The following DCAF17 variants were observed in gnomAD, a reference collection of about 807,000 sequenced individuals.
DCAF17 encodes the protein DDB1- and CUL4-associated factor 17.
Under a neutral mutation model 66.0 loss-of-function variants are expected in DCAF17, and 48 were observed. The observed-to-expected ratio is 0.73, with a 90% CI of 0.58 to 0.92. The LOEUF is 0.92. Among genes scored for constraint, DCAF17 ranks in the 40% least tolerant of loss-of-function variants. The pLI, the probability that DCAF17 is intolerant of heterozygous loss-of-function variation, is 0.00. For missense variants in DCAF17, 562 were observed against 622.8 expected, an observed-to-expected ratio of 0.90 and a Z score of 1.04; for synonymous variants, 206 against 214.6, an observed-to-expected ratio of 0.96 and a Z score of 0.35.
At chr2:171,474,111 T>C in intron 10 of DCAF17, 136 bp downstream of exon 10, 1 of 720,516 alleles carries the variant, frequency 1.4e-6, no homozygotes, top group Non-Finnish European at 2.5e-6. Context: ...CCTCAGAGAC[T>C]GGCATACAGA....
chr2:171,473,515 G>A (rs1359710640), intron 9 of DCAF17, among the ~76,000 whole-genome samples: 1 of 152,074 alleles, frequency 6.6e-6, no homozygotes, highest in Non-Finnish European at 1.5e-5. Context: ...TCAGTTTTCA[G>A]TACTTCCTTT....
intron 4 of DCAF17, among the ~76,000 whole-genome samples, chr2:171,449,491 T>C (rs1392884185): frequency 1.3e-5 from 2 of 152,364 alleles, no homozygotes; most frequent in Non-Finnish European, 2.9e-5. Flanking sequence ...AGAACTGTTA[T>C]TTTAACTATT....
chr2:171,474,454 C>T (rs1023905001), intron 10 of DCAF17: 1 of 164,942 alleles, frequency 6.1e-6, no homozygotes, highest in Admixed American at 5.8e-5. Context: ...TGAATATTTT[C>T]CTATTTCATC....
chr2:171,463,467 C>T (rs895947186), intron 8 of DCAF17, among the ~76,000 whole-genome samples: 6 of 152,024 alleles, frequency 3.9e-5, no homozygotes, highest in African/African-American at 9.7e-5. Flanking sequence ...CTTGATAAAT[C>T]GGAAGAGATA....
chr2:171,458,398 G>C lies in DCAF17; in HGVS notation c.759G>C (p.Gly253=). ...TCATGCAACAGAAACTTGACTTAGG[G>C]TGTGCATGCAGATGGGGTGGGACTA... The part of the protein sequence containing the change: ...EQFMQQKLDL[G]CACRWGGTTG... Residue 253 remains glycine, a synonymous_variant, in exon 8 of 14, where the codon GGG becomes GGC. Transcript: ENST00000375255. 1.9e-6 allele frequency: 3 copies of C among 1,613,930 alleles called. No individual in the cohort carries two copies. Among genetic ancestry groups the C allele is most frequent in the Non-Finnish European group, 2.5e-6 (3 of 1,179,952 alleles).
chr2:171,482,468 C>T lies in DCAF17; in HGVS notation c.*1354C>T, dbSNP rs1412171399. On this transcript the variant is annotated 3_prime_UTR_variant, in exon 14 of 14. Coordinates refer to ENST00000375255, the MANE Select transcript of DCAF17 (RefSeq NM_025000.4). Reference sequence around the variant, plus strand: ...CCCCATACTTTCAATTAGACACTAGCTGTATCTAAATAGTCCCACTCAGTA... The same window carrying T: ...CCCCATACTTTCAATTAGACACTAGTTGTATCTAAATAGTCCCACTCAGTA... 1 of 453,886 alleles carries T rather than the reference C, an allele frequency of 2.2e-6. No homozygotes were observed. The highest frequency in any genetic ancestry group is 4.4e-6 in the Non-Finnish European group (1 of 226,788). The allele number at this position is 453,886 out of a possible 1,614,324, so 28.1% of individuals were successfully genotyped here.
In DCAF17 at chr2:171,483,033, G is replaced by A; in HGVS notation, c.*1919G>A. On this transcript the variant is annotated 3_prime_UTR_variant, in exon 14 of 14. Transcript: ENST00000375255. ...TGCTACTGCTTAGTTTCAGCCAGTT[G>A]CAACAGTATGTGGGAATGTAGGCTG... 1 of 454,128 alleles carries A rather than the reference G, an allele frequency of 2.2e-6. No individual in the cohort carries two copies. The highest frequency in any genetic ancestry group is 2.0e-5 in the African/African-American group (1 of 50,124). 28.1% of individuals were successfully genotyped at this position (454,128 alleles called of 1,614,324 possible).
chr2:171,462,326 G>C (rs1312593411), intron 8 of DCAF17, among the ~76,000 whole-genome samples: 1 of 152,138 alleles, frequency 6.6e-6, no homozygotes. Context: ...AAATCATACT[G>C]TAATGGGGCA....
intron 8 of DCAF17, among the ~76,000 whole-genome samples, chr2:171,462,293 A>G (rs1292662763): frequency 6.6e-6 from 1 of 152,200 alleles, no homozygotes. Context: ...ACCAACTCAA[A>G]TAACAACAGG....
intron 2 of DCAF17, among the ~76,000 whole-genome samples, chr2:171,438,160 GA>G (rs1694076985): frequency 6.6e-6 from 1 of 152,126 alleles, no homozygotes; most frequent in African/African-American, 2.4e-5. Context: ...AATATATTGG[GA>G]TTTTCCAGTT....
At chr2:171,475,056 A>T (rs1355752848) in intron 10 of DCAF17, among the ~76,000 whole-genome samples, 1 of 152,218 alleles carries the variant, frequency 6.6e-6, no homozygotes, top group African/African-American at 2.4e-5. Context: ...ATAAAAACCA[A>T]TATAGTTAGC....
chr2:171,442,643 G>A (rs1574325694), intron 2 of DCAF17, among the ~76,000 whole-genome samples: 1 of 151,842 alleles, frequency 6.6e-6, no homozygotes. Flanking sequence ...ACTTCGGGAG[G>A]CTGAGGCAGG....
At chr2:171,452,871 T>C (rs1695033640) in intron 5 of DCAF17, among the ~76,000 whole-genome samples, 1 of 152,244 alleles carries the variant, frequency 6.6e-6, no homozygotes, top group South Asian at 2.1e-4. Context: ...TGCTAAGAAA[T>C]GTTTACTTTT....
chr2:171,474,930 C>T (rs573578284), intron 10 of DCAF17, among the ~76,000 whole-genome samples: 1 of 152,354 alleles, frequency 6.6e-6, no homozygotes, highest in Non-Finnish European at 1.5e-5. Flanking sequence ...CACTCTTGCG[C>T]TGTCTGTTTT....
In DCAF17 at chr2:171,483,114, A is replaced by C; in HGVS notation, c.*2000A>C. The C allele has an allele frequency of 2.2e-6, 1 of 454,134 alleles. No homozygotes were observed. The highest frequency in any genetic ancestry group is 4.4e-6 in the Non-Finnish European group (1 of 226,802). 28.1% of individuals were successfully genotyped at this position (454,134 alleles called of 1,614,324 possible). ...GATGCCAGAAGATACAGAAGATAGC[A>C]AAGAATGTGGGGAATTTGGATACCA... On this transcript the variant is annotated 3_prime_UTR_variant, in exon 14 of 14. Transcript: ENST00000375255.
intron 2 of DCAF17, among the ~76,000 whole-genome samples, chr2:171,438,095 C>A (rs1044972236): frequency 2.0e-5 from 3 of 152,150 alleles, no homozygotes; most frequent in African/African-American, 7.2e-5. Context: ...TTTTAAATTT[C>A]TCCTGGGACT....
At chr2:171,461,219 C>T (rs1695567729) in intron 8 of DCAF17, among the ~76,000 whole-genome samples, 1 of 152,082 alleles carries the variant, frequency 6.6e-6, no homozygotes, top group South Asian at 2.1e-4. Context: ...CTGACGCGGG[C>T]AGATCACTTG....
At chr2:171,457,794 G>C (rs1029195168) in intron 6 of DCAF17, among the ~76,000 whole-genome samples, 177 bp from the exon 7 acceptor site, 2 of 152,168 alleles carry the variant, frequency 1.3e-5, no homozygotes, top group African/African-American at 2.4e-5. Context: ...GTGGCTTACT[G>C]TTCACTCCTA....
At chr2:171,445,641 G>T (rs961140364) in intron 3 of DCAF17, among the ~76,000 whole-genome samples, 19 of 152,200 alleles carry the variant, frequency 1.2e-4, no homozygotes, top group Non-Finnish European at 2.6e-4. Context: ...AAATTATTTT[G>T]ATAGGCAAGT....
Sources: allele counts gnomAD v4.1 joint callset (sites outside exome capture counted in the v4.1 genomes callset), GRCh38; gene constraint gnomAD v4.1.1; transcripts MANE v1.5; gene names NCBI Gene and HGNC (gene_info 2026-07-23, HGNC 2026-07-21).